Variants in PCDHGA1 observed in about 807,000 individuals in gnomAD.
PCDHGA1 encodes protocadherin gamma-A1.
In PCDHGA1, 32 loss-of-function variants were observed where a neutral mutation model predicts 58.0. The ratio of observed to expected loss-of-function variants is 0.55; its 90% CI spans 0.42 to 0.74. PCDHGA1 has a LOEUF of 0.74. Among genes scored for constraint, PCDHGA1 ranks in the 30% least tolerant of loss-of-function variants. The pLI is 0.00. For synonymous variants in PCDHGA1, 498 were observed against 501.1 expected (o/e 0.99, Z 0.08); for missense variants, 1,205 against 1,182.3 (o/e 1.02, Z -0.28).
chr5:141,370,204 A>G, intron 1 of PCDHGA1: 1 of 545,938 alleles, frequency 1.8e-6, no homozygotes, highest in Non-Finnish European at 3.1e-6. Flanking sequence ...TGTGCAAAAT[A>G]TTGGCTCCTC....
In PCDHGA1 at chr5:141,461,525, A is replaced by T. The variant is rs966592635; in HGVS notation, c.2422-33282A>T. ...TTGGTGATTTGTTAGTTCCTTGTAGATTCTGGATACTAGTCCTTTGTCAGA... is the reference window on the plus strand; with the variant it reads ...TTGGTGATTTGTTAGTTCCTTGTAGTTTCTGGATACTAGTCCTTTGTCAGA... On this transcript the variant is annotated intron_variant, in intron 1 of 3. Coordinates refer to ENST00000517417, the MANE Select transcript of PCDHGA1 (RefSeq NM_018912.3). 5.3e-5 allele frequency among the ~76,000 whole-genome samples: 8 copies of T among 152,106 alleles called. No individual in the cohort carries two copies. The South Asian group carries it at 1.7e-3, about 31-fold the overall frequency.
chr5:141,350,383 C>T, intron 1 of PCDHGA1: 2 of 1,590,220 alleles, frequency 1.3e-6, no homozygotes, highest in Non-Finnish European at 1.7e-6. Flanking sequence ...AGCTAGCCAA[C>T]GGCTCACGGG....
intron 1 of PCDHGA1, chr5:141,468,541 A>G (rs1407685120): frequency 6.6e-6 from 1 of 152,076 alleles, no homozygotes. Context: ...GTTTCCTGAC[A>G]TATTTAACAT....
At chr5:141,423,754 GGGGGGGT>G in intron 1 of PCDHGA1, 1 of 577,826 alleles carries the variant, frequency 1.7e-6, no homozygotes, top group Non-Finnish European at 2.2e-6. Flanking sequence ...ACTGTTTGGG[GGGGGGGT>G]GGGGCGGCAT....
chr5:141,443,093 C>G (rs1316602934), intron 1 of PCDHGA1, among the ~76,000 whole-genome samples: 2 of 151,940 alleles, frequency 1.3e-5, no homozygotes, highest in African/African-American at 4.8e-5. Flanking sequence ...CAGTCTCCTT[C>G]TCAAGCTGAA....
At chr5:141,479,328 G>C (rs568506786) in intron 1 of PCDHGA1, 3 of 152,536 alleles carry the variant, frequency 2.0e-5, no homozygotes, top group African/African-American at 7.2e-5. Context: ...CAGACTCAGT[G>C]GTGTGCACCT....
intron 1 of PCDHGA1, among the ~76,000 whole-genome samples, chr5:141,420,742 A>T (rs967908996): frequency 6.6e-6 from 1 of 152,254 alleles, no homozygotes; most frequent in African/African-American, 2.4e-5. Flanking sequence ...AATCAATTGG[A>T]ACCAACTACA....
intron 1 of PCDHGA1, among the ~76,000 whole-genome samples, chr5:141,381,671 T>TGCTGCAGCCAAGACAA (rs1777346396): frequency 6.6e-6 from 1 of 152,206 alleles, no homozygotes; most frequent in Non-Finnish European, 1.5e-5. Flanking sequence ...TATAGCTGAT[T>TGCTGCAGCCAAGACAA]GCTGCAGCCA....
chr5:141,443,216 C>T (rs758242896), intron 1 of PCDHGA1, among the ~76,000 whole-genome samples: 3 of 151,908 alleles, frequency 2.0e-5, no homozygotes, highest in South Asian at 2.1e-4. Context: ...TCTCGCCAGG[C>T]GCATCTATAA....
rs764067454 is a variant in PCDHGA1 at position 141,413,998 on chromosome 5, G to C, written c.2422-80809G>C. On this transcript the variant is annotated intron_variant, in intron 1 of 3. Coordinates refer to ENST00000517417, the MANE Select transcript of PCDHGA1 (RefSeq NM_018912.3). Reference sequence around the variant, plus strand: ...GACAGTCACAGCCACCGACAGGGACGAAGGTGCCAATGGAGAAGTGACATA... The same window carrying C: ...GACAGTCACAGCCACCGACAGGGACCAAGGTGCCAATGGAGAAGTGACATA... 29 of 1,613,320 alleles carry C rather than the reference G, an allele frequency of 1.8e-5. No individual in the cohort carries two copies. The Admixed American group carries it at 4.8e-4, about 27-fold the overall frequency.
rs1369853840 is a variant in PCDHGA1, at chr5:141,339,662, A to G, written c.2421+6557A>G. ...ATCTGGCACCTCCCGCATCTGCGTG[A>G]AGGTCCTGGATGCGAACGACAATGC... On this transcript the variant is annotated intron_variant, in intron 1 of 3. Coordinates refer to ENST00000517417, the MANE Select transcript of PCDHGA1 (RefSeq NM_018912.3). The G allele has an allele frequency of 2.5e-6, 4 of 1,614,130 alleles. No individual in the cohort carries two copies. In the South Asian group the frequency reaches 4.4e-5, roughly 18 times the overall value.
At chr5:141,355,416 G>A in intron 1 of PCDHGA1, 1 of 1,614,086 alleles carries the variant, frequency 6.2e-7, no homozygotes, top group Non-Finnish European at 8.5e-7. Context: ...GAGGTAGGAC[G>A]CAGCTTTTCG....
chr5:141,371,814 G>C (rs1020682392), intron 1 of PCDHGA1: 4 of 1,613,892 alleles, frequency 2.5e-6, no homozygotes, highest in Middle Eastern at 1.6e-4. Context: ...CATTGCGCAT[G>C]TCAGAGCCTC....
chr5:141,361,602 C>G (rs571629532), intron 1 of PCDHGA1: 1 of 1,613,936 alleles, frequency 6.2e-7, no homozygotes, highest in Non-Finnish European at 8.5e-7. Flanking sequence ...AAGTTTCCTA[C>G]TCCATCGTAG....
At chr5:141,423,001 G>A in intron 1 of PCDHGA1, 2 of 1,614,230 alleles carry the variant, frequency 1.2e-6, no homozygotes, top group Non-Finnish European at 1.7e-6. Flanking sequence ...GGTGACCAAG[G>A]TGGTTGCGGT....
chr5:141,405,704 C>T (rs1589592020), intron 1 of PCDHGA1, among the ~76,000 whole-genome samples: 1 of 152,286 alleles, frequency 6.6e-6, no homozygotes, highest in East Asian at 1.9e-4. Context: ...TCTTGAATTC[C>T]TAACCTCAAG....
intron 2 of PCDHGA1, among the ~76,000 whole-genome samples, chr5:141,500,614 C>T (rs1300242596): frequency 1.3e-5 from 2 of 152,204 alleles, no homozygotes; most frequent in African/African-American, 4.8e-5. Context: ...TATTCCCAGT[C>T]ATACGGTACA....
intron 1 of PCDHGA1, among the ~76,000 whole-genome samples, chr5:141,463,095 G>C (rs1299676667): frequency 6.6e-6 from 1 of 152,098 alleles, no homozygotes; most frequent in African/African-American, 2.4e-5. Context: ...AGCCCTATGT[G>C]ACCATCAAGA....
At chr5:141,340,325 T>G (rs1252963204) in intron 1 of PCDHGA1, 2 of 1,614,078 alleles carry the variant, frequency 1.2e-6, no homozygotes, top group Admixed American at 3.3e-5. Context: ...CGCACCCGCC[T>G]TCTCCCGCAC....
Sources: allele counts gnomAD v4.1 joint callset (sites outside exome capture counted in the v4.1 genomes callset), GRCh38; gene constraint gnomAD v4.1.1; transcripts MANE v1.5; gene names NCBI Gene and HGNC (gene_info 2026-07-23, HGNC 2026-07-21).